NCALD: variants seen among roughly 807,000 people sequenced by gnomAD.
NCALD encodes the protein neurocalcin delta.
In NCALD, 10 loss-of-function variants were observed where a neutral mutation model predicts 18.6. The ratio of observed to expected loss-of-function variants is 0.54; its 90% CI spans 0.33 to 0.91. The LOEUF (loss-of-function observed/expected upper bound fraction) is 0.91. Among genes scored for constraint, NCALD ranks in the 40% least tolerant of loss-of-function variants. The pLI, the probability that NCALD is intolerant of heterozygous loss-of-function variation, is 0.03. For missense variants in NCALD, 184 were observed against 247.6 expected (o/e 0.74, Z 1.72); for synonymous variants, 88 against 87.4 (o/e 1.01, Z -0.04).
chr8:101,811,993 A>T (rs1048825042), intron 4 of NCALD, among the ~76,000 whole-genome samples: 2 of 152,240 alleles, frequency 1.3e-5, no homozygotes, highest in Non-Finnish European at 2.9e-5. Flanking sequence ...CAAATCTAGC[A>T]TTGCAGAAAA....
At chr8:101,833,329 C>A (rs1814262974) in intron 4 of NCALD, among the ~76,000 whole-genome samples, 1 of 152,196 alleles carries the variant, frequency 6.6e-6, no homozygotes. Context: ...CACCAAGAGG[C>A]TAGATGACTT....
At chr8:101,982,327 T>C (rs952772244) in intron 2 of NCALD, among the ~76,000 whole-genome samples, 1 of 152,228 alleles carries the variant, frequency 6.6e-6, no homozygotes, top group Admixed American at 6.5e-5. Flanking sequence ...GCTTGTCATA[T>C]ACCAACTCCT....
chr8:101,938,270 C>T (rs1818833981), intron 2 of NCALD, among the ~76,000 whole-genome samples: 1 of 152,124 alleles, frequency 6.6e-6, no homozygotes, highest in African/African-American at 2.4e-5. Flanking sequence ...GATACATATA[C>T]ATATTTAAAA....
chr8:101,777,724 G>A (rs1251281825), intron 1 of NCALD, among the ~76,000 whole-genome samples: 3 of 152,196 alleles, frequency 2.0e-5, no homozygotes, highest in Non-Finnish European at 4.4e-5. Context: ...AGACATGACA[G>A]TCTGCCTATT....
chr8:102,101,865 T>C (rs1363297987), intron 1 of NCALD, among the ~76,000 whole-genome samples: 3 of 152,308 alleles, frequency 2.0e-5, no homozygotes, highest in African/African-American at 2.4e-5. Flanking sequence ...TGTGGGAGCC[T>C]GAATTTTAAA....
At chr8:102,032,377 T>G (rs1822706266) in intron 1 of NCALD, among the ~76,000 whole-genome samples, 2 of 152,144 alleles carry the variant, frequency 1.3e-5, no homozygotes, top group African/African-American at 2.4e-5. Flanking sequence ...GTTTTGCATA[T>G]GATACTCCAT....
chr8:102,042,716 C>CCAGAGGAG (rs33942013), intron 1 of NCALD, among the ~76,000 whole-genome samples: 46,564 of 150,010 alleles, frequency 0.31, 7,873 homozygotes, highest in African/African-American at 0.4. Context: ...TCAGTGAAGA[C>CCAGAGGAG]AGAGGGCACA....
chr8:102,055,478 G>T (rs1029614860), intron 1 of NCALD, among the ~76,000 whole-genome samples: 2 of 152,248 alleles, frequency 1.3e-5, no homozygotes, highest in East Asian at 1.9e-4. Flanking sequence ...TATGATTAAG[G>T]ACATAAAACT....
chr8:102,018,702 T>C (rs1822172804), intron 2 of NCALD, among the ~76,000 whole-genome samples: 1 of 152,184 alleles, frequency 6.6e-6, no homozygotes, highest in African/African-American at 2.4e-5. Context: ...TCAAACCATG[T>C]ATTTTAAGAG....
At chr8:101,754,905 A>C (rs1810812596) in intron 1 of NCALD, among the ~76,000 whole-genome samples, 1 of 152,230 alleles carries the variant, frequency 6.6e-6, no homozygotes, top group Non-Finnish European at 1.5e-5. Flanking sequence ...AATCAGTCAA[A>C]AAATAAATGG....
chr8:102,086,831 T>C (rs954337332), intron 1 of NCALD, among the ~76,000 whole-genome samples: 4 of 152,108 alleles, frequency 2.6e-5, no homozygotes, highest in Non-Finnish European at 5.9e-5. Flanking sequence ...GTCATAAATA[T>C]ATTGCTGATA....
intron 4 of NCALD, among the ~76,000 whole-genome samples, chr8:101,801,637 C>T (rs1812857149): frequency 8.4e-6 from 1 of 119,500 alleles, no homozygotes; most frequent in African/African-American, 3.0e-5. Context: ...TTTACAAGCA[C>T]ACTTACTTTT....
intron 4 of NCALD, among the ~76,000 whole-genome samples, chr8:101,827,968 G>T (rs1008523752): frequency 1.3e-5 from 2 of 152,308 alleles, no homozygotes; most frequent in Non-Finnish European, 1.5e-5. Context: ...GAGGCATTGT[G>T]GTAGGTGCTG....
intron 2 of NCALD, among the ~76,000 whole-genome samples, chr8:101,705,328 T>C (rs1214097270): frequency 2.0e-5 from 3 of 152,066 alleles, no homozygotes; most frequent in African/African-American, 7.2e-5. Context: ...AGAAACATGG[T>C]TAACATGATC....
chr8:102,037,930 G>T lies in NCALD; in HGVS notation c.-209-17641C>A, dbSNP rs561350546. 1.5e-4 allele frequency among the ~76,000 whole-genome samples: 23 copies of T among 152,216 alleles called. 1 individual carries two copies. The South Asian group carries it at 4.8e-3, about 32-fold the overall frequency. ...ATAAAAGCATTTTACATCAATAAAAGATTTTTATTATTTCAATACCAGAGG... is the reference window on the plus strand; with the variant it reads ...ATAAAAGCATTTTACATCAATAAAATATTTTTATTATTTCAATACCAGAGG... On this transcript the variant is annotated intron_variant, in intron 1 of 6. Transcript: ENST00000311028.
intron 1 of NCALD, among the ~76,000 whole-genome samples, chr8:102,118,954 T>C (rs1417635447): frequency 1.3e-5 from 2 of 152,230 alleles, no homozygotes; most frequent in Non-Finnish European, 2.9e-5. Context: ...CAAGTGTTGA[T>C]GGAATCCTTG....
chr8:101,690,263 G>A, intron 3 of NCALD: 1 of 985,400 alleles, frequency 1.0e-6, no homozygotes, highest in East Asian at 1.1e-4. Flanking sequence ...GCTTCCAGAA[G>A]GACCCTTCCT....
chr8:102,051,533 AAAAC>A, intron 1 of NCALD, among the ~76,000 whole-genome samples: 1 of 152,342 alleles, frequency 6.6e-6, no homozygotes, highest in South Asian at 2.1e-4. Flanking sequence ...ATAAAAATAT[AAAAC>A]TGCCTTTTCT....
intron 3 of NCALD, among the ~76,000 whole-genome samples, chr8:101,889,480 C>G (rs1331650089): frequency 6.6e-6 from 1 of 152,196 alleles, no homozygotes; most frequent in Non-Finnish European, 1.5e-5. Flanking sequence ...AAGCAGAACC[C>G]ATACTCTGAA....
Sources: allele counts gnomAD v4.1 joint callset (sites outside exome capture counted in the v4.1 genomes callset), GRCh38; gene constraint gnomAD v4.1.1; transcripts MANE v1.5; gene names NCBI Gene and HGNC (gene_info 2026-07-23, HGNC 2026-07-21).